DOCK5: variants seen among roughly 807,000 people sequenced by gnomAD.
DOCK5 encodes the protein dedicator of cytokinesis protein 5.
In DOCK5, 142 loss-of-function variants were observed where a neutral mutation model predicts 251.8. The ratio of observed to expected loss-of-function variants is 0.56; its 90% CI spans 0.49 to 0.65. The LOEUF (loss-of-function observed/expected upper bound fraction) is 0.65, where lower values mean the gene tolerates loss of function less well. DOCK5 is among the 30% of genes least tolerant of loss of function. The pLI is 0.00. For synonymous variants in DOCK5, 842 were observed against 835.5 expected (o/e 1.01, Z -0.13); for missense variants, 2,111 against 2,312.3 (o/e 0.91, Z 1.79).
chr8:25,280,217 A>G (rs1270485641), intron 5 of DOCK5, among the ~76,000 whole-genome samples: 1 of 152,218 alleles, frequency 6.6e-6, no homozygotes, highest in African/African-American at 2.4e-5. Context: ...ATGTGTGTAC[A>G]AGTTCAGGGA....
intron 50 of DOCK5, 41 bp downstream of exon 50, chr8:25,408,981 A>C (rs1048450646): frequency 1.2e-5 from 19 of 1,613,374 alleles, no homozygotes; most frequent in Non-Finnish European, 1.6e-5. Context: ...TTACTAGGGA[A>C]TGGAGTATGT....
intron 1 of DOCK5, among the ~76,000 whole-genome samples, chr8:25,225,008 G>T (rs141824627): frequency 3.9e-5 from 6 of 152,334 alleles, no homozygotes; most frequent in African/African-American, 1.4e-4. Context: ...CCACTAAGCA[G>T]TATGGAAACG....
At chr8:25,410,322 C>A (rs1801599749) in intron 51 of DOCK5, 120 bp downstream of exon 51, 8 of 783,474 alleles carry the variant, frequency 1.0e-5, no homozygotes, top group African/African-American at 1.7e-5. Context: ...GCAGTCGATT[C>A]TTGGCTCATT....
Position 25,298,958 on chromosome 8 carries a change from C to A in DOCK5, c.621C>A (p.Asn207Lys), listed in dbSNP as rs573408993. The change falls in exon 8 of 52, where the codon AAC (asparagine) becomes AAA (lysine). Residue 207 changes from asparagine (N) to lysine (K), a missense_variant. Coordinates refer to ENST00000276440, the MANE Select transcript of DOCK5 (RefSeq NM_024940.8). ...KIQEEKSILQ[N>K]LDLRGQSIFS... ...TCTTTGTTCAGTCAATCCTGCAGAACCTCGATTTGCGGGGCCAGTCCATCT... is the reference window on the plus strand; with the variant it reads ...TCTTTGTTCAGTCAATCCTGCAGAAACTCGATTTGCGGGGCCAGTCCATCT... 151 of 1,612,238 alleles carry A rather than the reference C, an allele frequency of 9.4e-5. 3 individuals are homozygous for A. The South Asian group carries it at 1.5e-3, about 16-fold the overall frequency.
rs552580178 is a variant in DOCK5 at position 25,274,292 on chromosome 8, A to G, written c.169-1094A>G. Reference sequence around the variant, plus strand: ...CAGCCACCCCTGACATGTCATGTTCATGGAGTTCACACCAACTCTTCCAGG... The same window carrying G: ...CAGCCACCCCTGACATGTCATGTTCGTGGAGTTCACACCAACTCTTCCAGG... On this transcript the variant is annotated intron_variant, in intron 3 of 51. Coordinates refer to ENST00000276440, the MANE Select transcript of DOCK5 (RefSeq NM_024940.8). Among the ~76,000 whole-genome samples, 164 of 150,202 alleles carry G rather than the reference A, an allele frequency of 1.1e-3. 1 individual carries two copies. Among genetic ancestry groups the G allele is most frequent in the Admixed American group, 6.0e-3 (88 of 14,726 alleles).
At chr8:25,281,439 CA>C (rs35716928) in intron 5 of DOCK5, among the ~76,000 whole-genome samples, 120,101 of 135,742 alleles carry the variant, frequency 0.88, 54,065 homozygotes, top group East Asian at 0.99. Flanking sequence ...AACTCCGTCT[CA>C]AAAAAAAAAA....
chr8:25,319,077 G>T (rs1285564526), intron 14 of DOCK5, among the ~76,000 whole-genome samples: 2 of 152,150 alleles, frequency 1.3e-5, no homozygotes, highest in Non-Finnish European at 1.5e-5. Flanking sequence ...CCCCACCAAG[G>T]CCTGGTTCTA....
Position 25,406,459 on chromosome 8 carries a change from A to C in DOCK5, c.5094-1524A>C, listed in dbSNP as rs116466591. 8.8e-3 allele frequency among the ~76,000 whole-genome samples: 1,344 copies of C among 152,286 alleles called. 23 individuals are homozygous for C. The highest frequency in any genetic ancestry group is 0.03 in the African/African-American group (1,257 of 41,564). ...TTACATCATAAAAATAACCTACCTG[A>C]ATGCCACCCTGCCTGGAAATCAAAT... is the stretch of plus-strand genomic sequence containing the variant. On this transcript the variant is annotated intron_variant, in intron 48 of 51. Transcript: ENST00000276440.
chr8:25,384,272 G>T (rs929497931), intron 40 of DOCK5, among the ~76,000 whole-genome samples: 1 of 152,168 alleles, frequency 6.6e-6, no homozygotes, highest in African/African-American at 2.4e-5. Flanking sequence ...TTGCTGGCCA[G>T]GGGGAGGTTG....
chr8:25,403,820 T>TTG, intron 48 of DOCK5, 96 bp downstream of exon 48: 1 of 1,320,130 alleles, frequency 7.6e-7, no homozygotes, highest in Non-Finnish European at 1.0e-6. Context: ...AAAATAGCCT[T>TTG]TGGGTCATTC....
intron 48 of DOCK5, among the ~76,000 whole-genome samples, chr8:25,407,160 A>G (rs976837646): frequency 6.6e-6 from 1 of 152,156 alleles, no homozygotes; most frequent in South Asian, 2.1e-4. Context: ...ATATTTGGAC[A>G]TGTAGCTTTC....
intron 26 of DOCK5, among the ~76,000 whole-genome samples, chr8:25,349,803 C>T (rs1421047212): frequency 6.6e-6 from 1 of 152,152 alleles, no homozygotes; most frequent in African/African-American, 2.4e-5. Flanking sequence ...AAAGACTACG[C>T]ATTGGGTACA....
chr8:25,388,908 T>C (rs1276835282), intron 40 of DOCK5, 183 bp from the exon 41 acceptor site: 1 of 594,228 alleles, frequency 1.7e-6, no homozygotes. Context: ...ACTTCTCCAA[T>C]AAACCGCAGC....
intron 2 of DOCK5, among the ~76,000 whole-genome samples, chr8:25,245,584 G>C (rs987695277): frequency 1.3e-5 from 2 of 149,486 alleles, no homozygotes; most frequent in Admixed American, 6.7e-5. Flanking sequence ...CTGTCGTCCA[G>C]GCTGGAGTGC....
chr8:25,282,549 G>T (rs547454751), intron 5 of DOCK5, among the ~76,000 whole-genome samples: 2 of 152,004 alleles, frequency 1.3e-5, no homozygotes, highest in African/African-American at 4.8e-5. Context: ...AACACCAGAC[G>T]CTCTGTTTGA....
intron 45 of DOCK5, among the ~76,000 whole-genome samples, chr8:25,398,746 CAT>C (rs1303503280): frequency 6.6e-6 from 1 of 152,202 alleles, no homozygotes; most frequent in African/African-American, 2.4e-5. Context: ...GGACACCAGT[CAT>C]ATGGGCTTAA....
At chr8:25,304,122 A>T (rs895926660) in intron 10 of DOCK5, 133 bp from the exon 11 acceptor site, 1 of 726,358 alleles carries the variant, frequency 1.4e-6, no homozygotes, top group Non-Finnish European at 2.1e-6. Context: ...TTGGCAAAGA[A>T]ATTTTAAAAA....
chr8:25,295,698 A>G (rs1804600794), intron 6 of DOCK5, among the ~76,000 whole-genome samples: 1 of 152,178 alleles, frequency 6.6e-6, no homozygotes. Flanking sequence ...GACCACGCCC[A>G]CTTGGTCTGT....
intron 1 of DOCK5, among the ~76,000 whole-genome samples, chr8:25,217,264 T>C (rs1468188661): frequency 6.6e-6 from 1 of 151,144 alleles, no homozygotes; most frequent in African/African-American, 2.4e-5. Flanking sequence ...ATGTATACTA[T>C]ATATGCATAT....
Sources: allele counts gnomAD v4.1 joint callset (sites outside exome capture counted in the v4.1 genomes callset), GRCh38; gene constraint gnomAD v4.1.1; transcripts MANE v1.5; gene names NCBI Gene and HGNC (gene_info 2026-07-23, HGNC 2026-07-21).